PRRC2B: variants seen among roughly 807,000 people sequenced by gnomAD.
The protein encoded by PRRC2B is protein PRRC2B.
PRRC2B carries 68 observed loss-of-function variants against 242.3 expected under a neutral mutation model. The ratio of observed to expected loss-of-function variants is 0.28; its 90% CI spans 0.23 to 0.34. The LOEUF (loss-of-function observed/expected upper bound fraction) is 0.34. Ranked by LOEUF, PRRC2B falls within the 10% of genes least tolerant of loss-of-function variation. The probability of loss-of-function intolerance (pLI) is 1.00; values close to 1 mark genes in which losing one functional copy is unlikely to be tolerated. For missense variants in PRRC2B, 2,835 were observed against 2,954.8 expected, an observed-to-expected ratio of 0.96 and a Z score of 0.94; for synonymous variants, 1,228 against 1,173.6, an observed-to-expected ratio of 1.05 and a Z score of -0.95.
Position 131,494,855 on chromosome 9 carries a change from G to A in PRRC2B, c.6555+369G>A, listed in dbSNP as rs1465167431. Among the ~76,000 whole-genome samples the A allele has an allele frequency of 6.6e-6, 1 of 152,178 alleles. No homozygotes were observed. The highest frequency in any genetic ancestry group is 1.5e-5 in the Non-Finnish European group (1 of 68,028). ...GCGCGCGCTGGTTCTAGTCAGTGGT[G>A]TGTCTCATCTTTGTCTTGGCTGGGT... is the stretch of plus-strand genomic sequence containing the variant. On this transcript the variant is annotated intron_variant, in intron 31 of 31. Coordinates refer to ENST00000683519, the MANE Select transcript of PRRC2B (RefSeq NM_013318.4). This position sits in a 1 kb window ranked among gnomAD's most constrained non-coding sequence, Gnocchi z 4.3.
In PRRC2B at chr9:131,380,349, G is replaced by A. The variant is rs115014826; in HGVS notation, c.-56+6618G>A. ...TCTCAGCACTTTGCGAGGCCGAGGCGAGCAGGTCACCTGAGGTCAGGATTT... is the reference window on the plus strand; with the variant it reads ...TCTCAGCACTTTGCGAGGCCGAGGCAAGCAGGTCACCTGAGGTCAGGATTT... On this transcript the variant is annotated intron_variant, in intron 1 of 1. Transcript: ENST00000682525. Among the ~76,000 whole-genome samples the A allele has an allele frequency of 4.0e-3, 607 of 152,094 alleles. 8 individuals carry two copies. The highest frequency in any genetic ancestry group is 0.014 in the African/African-American group (590 of 41,516).
intron 2 of PRRC2B, among the ~76,000 whole-genome samples, chr9:131,430,782 G>C (rs928700894): frequency 9.4e-5 from 14 of 148,502 alleles, no homozygotes; most frequent in African/African-American, 3.5e-4. Flanking sequence ...TAGTAGAGAT[G>C]GGGTTTCCCC....
chr9:131,473,255 A>G lies in PRRC2B; in HGVS notation c.2108-253A>G, dbSNP rs546411983. ...GTCCTGAGTGTTAAGGACCAAGCCTATATCTGACAAATGTGCTTTTCTTGC... is the reference window on the plus strand; with the variant it reads ...GTCCTGAGTGTTAAGGACCAAGCCTGTATCTGACAAATGTGCTTTTCTTGC... On this transcript the variant is annotated intron_variant, in intron 14 of 31. Coordinates refer to ENST00000683519, the MANE Select transcript of PRRC2B (RefSeq NM_013318.4). 1.1e-4 allele frequency among the ~76,000 whole-genome samples: 16 copies of G among 152,270 alleles called. No individual in the cohort carries two copies. The South Asian group carries it at 2.7e-3, about 26-fold the overall frequency.
In PRRC2B at chr9:131,476,307, C is replaced by T. The variant is rs1588274614; in HGVS notation, c.4178C>T (p.Pro1393Leu). The change falls in exon 16 of 32, where the codon CCT becomes CTT. Residue 1393 changes from proline (P) to leucine (L), a missense_variant. Around this residue, in one of 7 missense-constraint regions of PRRC2B, gnomAD observed 1,536 missense variants for 1,483.1 expected, o/e 1.04. Transcript: ENST00000683519. ...GAGCGGCGGGAGCGGCGGGAAGGCC[C>T]TGGGTCCGAGCCCGACTCCCAGGTG... ...FSERRERREG[P>L]GSEPDSQVDG... 1 of 1,581,822 alleles carries T rather than the reference C, an allele frequency of 6.3e-7. No homozygotes were observed. The highest frequency in any genetic ancestry group is 1.1e-5 in the South Asian group (1 of 87,400).
At chr9:131,403,596 C>G (rs898914647) in intron 1 of PRRC2B, among the ~76,000 whole-genome samples, 2 of 150,434 alleles carry the variant, frequency 1.3e-5, no homozygotes, top group African/African-American at 4.9e-5. Context: ...CTCAGGCCAT[C>G]TGTCCACCTC....
chr9:131,432,608 TC>T lies in PRRC2B; in HGVS notation c.116-6del. The T allele has an allele frequency of 1.2e-6, 2 of 1,613,242 alleles. No individual in the cohort carries two copies. Among genetic ancestry groups the T allele is most frequent in the Non-Finnish European group, 1.7e-6 (2 of 1,179,446 alleles). On this transcript the variant is annotated splice_region_variant and splice_polypyrimidine_tract_variant and intron_variant, in intron 2 of 31. Coordinates refer to ENST00000683519, the MANE Select transcript of PRRC2B (RefSeq NM_013318.4). ...GCATGGTGTCTGTTCCATGTCCCTC[TC>T]CCTGCAGTTATTCCTAGACATGGCT...
intron 1 of PRRC2B, among the ~76,000 whole-genome samples, chr9:131,413,495 A>AG (rs1837558554): frequency 6.6e-6 from 1 of 152,236 alleles, no homozygotes; most frequent in South Asian, 2.1e-4. Flanking sequence ...TTACAGCGTC[A>AG]GGGAACAAGC....
At chr9:131,478,269 T>G (rs1367341855) in intron 17 of PRRC2B, among the ~76,000 whole-genome samples, 4 of 152,206 alleles carry the variant, frequency 2.6e-5, no homozygotes, top group Admixed American at 6.5e-5. Flanking sequence ...GTTTAAGCTC[T>G]TTGCGTGTTC....
rs549280765 is a variant in PRRC2B, at chr9:131,492,581, T to TA, written c.6473+326dup. On this transcript the variant is annotated intron_variant, in intron 30 of 31. Transcript: ENST00000683519. ...ACTGACGTGACTTCCCATTAGATCC[T>TA]AAAAACAGGACCCACTGGCCACAGG... 3.6e-4 allele frequency among the ~76,000 whole-genome samples: 55 copies of TA among 152,336 alleles called. 1 individual carries two copies. The South Asian group carries it at 0.011, about 31-fold the overall frequency.
At chr9:131,405,198 G>A (rs1205593919) in intron 1 of PRRC2B, among the ~76,000 whole-genome samples, 2 of 152,194 alleles carry the variant, frequency 1.3e-5, no homozygotes, top group East Asian at 3.8e-4. Flanking sequence ...CGTTCACAGT[G>A]CAGAAGCGGC....
intron 12 of PRRC2B, among the ~76,000 whole-genome samples, chr9:131,466,833 ACT>A (rs1195065466): frequency 1.4e-5 from 2 of 147,248 alleles, no homozygotes; most frequent in Admixed American, 6.8e-5. Flanking sequence ...ACGGATTCTC[ACT>A]CTGTCGCCCA....
At chr9:131,483,229 T>C (rs1943922050) in intron 22 of PRRC2B, 130 bp from the exon 23 acceptor site, 3 of 877,930 alleles carry the variant, frequency 3.4e-6, no homozygotes, top group Non-Finnish European at 5.5e-6. Flanking sequence ...CTCGCTCATA[T>C]GTGGCTCCAG....
intron 9 of PRRC2B, among the ~76,000 whole-genome samples, chr9:131,450,707 C>T (rs1462926989): frequency 6.6e-6 from 1 of 151,922 alleles, no homozygotes; most frequent in Non-Finnish European, 1.5e-5. Context: ...CATGTCTCAG[C>T]CTTCCAAGTA....
Position 131,474,387 on chromosome 9 carries a change from G to T in PRRC2B, c.2325-67G>T, listed in dbSNP as rs1057394905. 5.6e-5 allele frequency: 74 copies of T among 1,331,122 alleles called. No homozygotes were observed. In the South Asian group the frequency reaches 9.6e-4, roughly 17 times the overall value. 82.5% of individuals were successfully genotyped at this position (1,331,122 alleles called of 1,614,324 possible). ...TTTTTTCTTTTTAAAACTAAGCTCT[G>T]TGTTCAGCATGGAAACCAGGAACCA... On this transcript the variant is annotated intron_variant, in intron 15 of 31. Coordinates refer to ENST00000683519, the MANE Select transcript of PRRC2B (RefSeq NM_013318.4).
chr9:131,442,386 C>T (rs55688412), intron 5 of PRRC2B, among the ~76,000 whole-genome samples: 19,319 of 152,012 alleles, frequency 0.13, 1,345 homozygotes, highest in African/African-American at 0.15. Flanking sequence ...TTATTTGATT[C>T]TTGCCAGTGA....
chr9:131,410,814 G>T (rs1458519071), intron 1 of PRRC2B, among the ~76,000 whole-genome samples: 1 of 151,912 alleles, frequency 6.6e-6, no homozygotes, highest in Non-Finnish European at 1.5e-5. Context: ...ACACTCCCTA[G>T]CTCTCTTTAG....
chr9:131,437,293 A>G (rs1306371004), intron 4 of PRRC2B, among the ~76,000 whole-genome samples: 4 of 152,234 alleles, frequency 2.6e-5, no homozygotes, highest in African/African-American at 9.6e-5. Flanking sequence ...TCTAGGGACT[A>G]ATGTCTCTCA....
chr9:131,374,315 T>G (rs1836655910), intron 1 of PRRC2B, among the ~76,000 whole-genome samples: 1 of 151,758 alleles, frequency 6.6e-6, no homozygotes, highest in Non-Finnish European at 1.5e-5. Flanking sequence ...TGTCTCAAAA[T>G]AAATAAATAA....
chr9:131,474,325 GCTTT>G (rs907966060), intron 15 of PRRC2B, 125 bp from the exon 16 acceptor site: 2 of 781,172 alleles, frequency 2.6e-6, no homozygotes, highest in Non-Finnish European at 3.9e-6. Flanking sequence ...TGTTTTTCTA[GCTTT>G]CTTTTTAAAA....
Sources: gnomAD v4.1 joint callset for allele counts (sites outside exome capture counted in the v4.1 genomes callset) on GRCh38, gnomAD v4.1.1 for gene constraint, gnomAD v4.1.1 regional missense constraint, Gnocchi (gnomAD v3.1) non-coding constraint, MANE v1.5 for transcripts, NCBI Gene and HGNC (gene_info 2026-07-23, HGNC 2026-07-21) for gene names.